The following CLCN1 variants were observed in gnomAD, a reference collection of about 807,000 sequenced individuals.
The protein encoded by CLCN1 is chloride channel protein 1.
In CLCN1, 100 loss-of-function variants were observed where a neutral mutation model predicts 114.5. The ratio of observed to expected loss-of-function variants is 0.87; its 90% CI spans 0.74 to 1.03. The LOEUF (loss-of-function observed/expected upper bound fraction) is 1.03. Ranked by LOEUF, CLCN1 falls within the 50% of genes least tolerant of loss-of-function variation. The probability of loss-of-function intolerance (pLI) is 0.00; values close to 1 mark genes in which losing one functional copy is unlikely to be tolerated. For synonymous variants in CLCN1, 485 were observed against 487.1 expected (o/e 1.00, Z 0.06); for missense variants, 1,188 against 1,250.0 (o/e 0.95, Z 0.75).
intron 10 of CLCN1, 146 bp from the exon 11 acceptor site, chr7:143,332,273 T>G: frequency 1.3e-6 from 1 of 774,260 alleles, no homozygotes; most frequent in Non-Finnish European, 2.3e-6. Context: ...CGGCCTCAAA[T>G]ATTGGTTTTT....
At chr7:143,337,962 G>A (rs1324298561) in intron 12 of CLCN1, among the ~76,000 whole-genome samples, 1 of 151,078 alleles carries the variant, frequency 6.6e-6, no homozygotes, top group African/African-American at 2.4e-5. Flanking sequence ...AAGTAGCTGG[G>A]ACTACAGGTG....
chr7:143,320,594 CAT>C, intron 2 of CLCN1, 68 bp from the exon 3 acceptor site: 8 of 1,019,926 alleles, frequency 7.8e-6, no homozygotes, highest in Non-Finnish European at 1.0e-5. Context: ...TCTGTCTCTA[CAT>C]ATATATATTT....
rs543376012 is a variant in CLCN1, at chr7:143,344,924, T to C, written c.1931-597T>C. ...TGCCACCACGCCCAGCTAATTTTTT[T>C]ATTTTTGGTAGAGACGGGGTTTCAC... On this transcript the variant is annotated intron_variant, in intron 16 of 22. Coordinates refer to ENST00000343257, the MANE Select transcript of CLCN1 (RefSeq NM_000083.3). 1.2e-4 allele frequency among the ~76,000 whole-genome samples: 18 copies of C among 152,242 alleles called. No individual in the cohort carries two copies. The South Asian group carries it at 3.5e-3, about 30-fold the overall frequency.
At chr7:143,316,768 A>G (rs896926986) in intron 1 of CLCN1, among the ~76,000 whole-genome samples, 3 of 152,196 alleles carry the variant, frequency 2.0e-5, no homozygotes, top group African/African-American at 7.2e-5. Flanking sequence ...ACAGGTAGAC[A>G]CTGCCAGATT....
In CLCN1 at chr7:143,321,707, GCTTTTAGGCT is replaced by G. The variant is rs1379796677; in HGVS notation, c.563-5_567del. 6.2e-7 allele frequency: 1 copy of G among 1,614,078 alleles called. No homozygotes were observed. The highest frequency in any genetic ancestry group is 8.5e-7 in the Non-Finnish European group (1 of 1,180,040). ...TTGACCCTGCACATAATCTTTCAAC[GCTTTTAGGCT>G]CTGGAATCCCCGAAATGAAGACAAT... On this transcript the variant is annotated splice_acceptor_variant and splice_polypyrimidine_tract_variant and coding_sequence_variant and intron_variant, in exon 5 of 23. Coordinates refer to ENST00000343257, the MANE Select transcript of CLCN1 (RefSeq NM_000083.3). LOFTEE classifies it high-confidence loss of function. The surrounding 1 kb of genome is among the most constrained non-coding windows in gnomAD (Gnocchi z 4.2).
Position 143,351,940 on chromosome 7 carries a change from A to G in CLCN1, c.2942A>G (p.Glu981Gly), listed in dbSNP as rs1803424862. ...QGPSLRSTDEEDEDELIL is the reference protein window; with the variant it reads ...QGPSLRSTDEGDEDELIL ...CCCAGCCTGCGATCCACAGACGAGGAGGATGAGGATGAACTGATCCTTTGA... is the reference window on the plus strand; with the variant it reads ...CCCAGCCTGCGATCCACAGACGAGGGGGATGAGGATGAACTGATCCTTTGA... Residue 981 changes from glutamate to glycine, a missense_variant, in exon 23 of 23, where the codon GAG becomes GGG. Coordinates refer to ENST00000343257, the MANE Select transcript of CLCN1 (RefSeq NM_000083.3). The G allele has an allele frequency of 6.2e-7, 1 of 1,612,958 alleles. No individual in the cohort carries two copies. Among genetic ancestry groups the G allele is most frequent in the African/African-American group, 1.3e-5 (1 of 74,848 alleles).
At chr7:143,345,911 C>T (rs906711119) in intron 17 of CLCN1, 149 bp downstream of exon 17, 7 of 1,200,970 alleles carry the variant, frequency 5.8e-6, no homozygotes, top group African/African-American at 4.6e-5. Context: ...ACTGAGAAAG[C>T]CAGAAATTCT....
At chr7:143,345,897 G>A in intron 17 of CLCN1, 135 bp downstream of exon 17, 3 of 1,294,538 alleles carry the variant, frequency 2.3e-6, no homozygotes, top group Non-Finnish European at 3.2e-6. Flanking sequence ...GGGAGAGTCT[G>A]GTAACTGAGA....
intron 17 of CLCN1, 127 bp downstream of exon 17, chr7:143,345,889 GA>G: frequency 1.5e-6 from 2 of 1,369,164 alleles, no homozygotes; most frequent in Admixed American, 2.1e-5. Context: ...AGAGGGAGGG[GA>G]GAGTCTGGTA....
chr7:143,341,853 C>T (rs1803084912), intron 14 of CLCN1, 76 bp from the exon 15 acceptor site: 4 of 1,152,444 alleles, frequency 3.5e-6, no homozygotes, highest in East Asian at 4.8e-5. Flanking sequence ...CCGTGTTATT[C>T]CCATCCCATC....
In CLCN1 at chr7:143,324,623, G is replaced by A; in HGVS notation, c.853+131G>A. 1.3e-6 allele frequency: 1 copy of A among 745,282 alleles called. No homozygotes were observed. The highest frequency in any genetic ancestry group is 1.5e-5 in the South Asian group (1 of 68,336). The allele number at this position is 745,282 out of a possible 1,614,324, so 46.2% of individuals were successfully genotyped here. On this transcript the variant is annotated intron_variant, in intron 7 of 22. Coordinates refer to ENST00000343257, the MANE Select transcript of CLCN1 (RefSeq NM_000083.3). This position sits in a 1 kb window ranked among gnomAD's most constrained non-coding sequence, Gnocchi z 4.6. ...AATAGCTGACTTTTAGTAAGCCTTT[G>A]CTATGTGCCAGGCAATGTTTAAAGC...
chr7:143,325,769 AG>A (rs1179366357), intron 7 of CLCN1, among the ~76,000 whole-genome samples: 1 of 152,238 alleles, frequency 6.6e-6, no homozygotes. Flanking sequence ...ATTTCTGAGA[AG>A]AATCAGAAAA....
chr7:143,352,040 G>A lies in CLCN1; in HGVS notation c.*75G>A, dbSNP rs576294869. On this transcript the variant is annotated 3_prime_UTR_variant, in exon 23 of 23. Transcript: ENST00000343257. Reference sequence around the variant, plus strand: ...GGTGAACTTGTGTGGGGCAGGGTGCGTCCTGAATGTGGCGAGGTCATGCCA... The same window carrying A: ...GGTGAACTTGTGTGGGGCAGGGTGCATCCTGAATGTGGCGAGGTCATGCCA... 3.1e-5 allele frequency: 49 copies of A among 1,592,324 alleles called. No individual in the cohort carries two copies. The highest frequency in any genetic ancestry group is 2.2e-4 in the South Asian group (20 of 90,066).
intron 12 of CLCN1, among the ~76,000 whole-genome samples, chr7:143,336,237 A>T (rs1352167672): frequency 6.6e-6 from 1 of 151,860 alleles, no homozygotes; most frequent in Non-Finnish European, 1.5e-5. Context: ...GAAGGGTCTA[A>T]ATATGGTGGA....
intron 12 of CLCN1, among the ~76,000 whole-genome samples, chr7:143,336,292 G>A (rs566375815): frequency 1.3e-5 from 2 of 149,150 alleles, no homozygotes; most frequent in Non-Finnish European, 3.0e-5. Context: ...GAAATTGAGT[G>A]TTTAAAATCG....
At chr7:143,330,230 C>A (rs1022553143) in intron 7 of CLCN1, among the ~76,000 whole-genome samples, 12 of 152,100 alleles carry the variant, frequency 7.9e-5, no homozygotes, top group African/African-American at 2.4e-4. Flanking sequence ...TCCTGCAAAG[C>A]CCCCTCCTAT....
At chr7:143,328,198 G>A (rs1802624682) in intron 7 of CLCN1, among the ~76,000 whole-genome samples, 1 of 150,958 alleles carries the variant, frequency 6.6e-6, no homozygotes, top group Non-Finnish European at 1.5e-5. Context: ...CTGAAGCTCA[G>A]GAACATGGCT....
Position 143,332,735 on chromosome 7 carries a change from C to T in CLCN1, c.1263C>T (p.Arg421=), listed in dbSNP as rs745472087. The T allele has an allele frequency of 4.2e-5, 67 of 1,613,972 alleles. 1 individual carries two copies. Among genetic ancestry groups the T allele is most frequent in the Admixed American group, 8.3e-5 (5 of 59,996 alleles). ...GQFMAGELMP[R]EAISTLFDNN... ...TCTTCCTCTCCCAGTTGATGCCCCG[C>T]GAAGCCATCAGTACTTTGTTTGACA... The change falls in exon 12 of 23, where the codon CGC becomes CGT. Residue 421 remains arginine, a synonymous_variant. Transcript: ENST00000343257.
chr7:143,331,891 C>A (rs554077569), intron 10 of CLCN1, among the ~76,000 whole-genome samples: 1 of 152,258 alleles, frequency 6.6e-6, no homozygotes, highest in East Asian at 1.9e-4. Flanking sequence ...TGCAGTGGTG[C>A]GATCTCAGCT....
Sources: allele counts gnomAD v4.1 joint callset (sites outside exome capture counted in the v4.1 genomes callset), GRCh38; gene constraint gnomAD v4.1.1; non-coding constraint Gnocchi (gnomAD v3.1); transcripts MANE v1.5; gene names NCBI Gene and HGNC (gene_info 2026-07-23, HGNC 2026-07-21).